SLA2: variants seen among roughly 807,000 people sequenced by gnomAD.
SLA2 encodes src-like-adapter 2.
SLA2 carries 22 observed loss-of-function variants against 27.3 expected under a neutral mutation model. The observed-to-expected ratio is 0.81, with a 90% CI of 0.58 to 1.15. The LOEUF is 1.15. Ranked by LOEUF, SLA2 falls within the 50% of genes most tolerant of loss-of-function variation. SLA2 has a pLI of 0.00. For missense variants in SLA2, 304 were observed against 322.2 expected (o/e 0.94, Z 0.43); for synonymous variants, 131 against 137.8 (o/e 0.95, Z 0.34).
chr20:36,623,531 G>T (rs2039306797), intron 5 of SLA2, among the ~76,000 whole-genome samples: 1 of 152,152 alleles, frequency 6.6e-6, no homozygotes, highest in Non-Finnish European at 1.5e-5. Flanking sequence ...AGAACTAAAA[G>T]TAAATTTAGT....
At chr20:36,618,579 G>T (rs538864955) in intron 5 of SLA2, among the ~76,000 whole-genome samples, 49 of 151,982 alleles carry the variant, frequency 3.2e-4, no homozygotes, top group African/African-American at 1.1e-3. Flanking sequence ...ATGTTGTCTG[G>T]CCACAATGGA....
intron 5 of SLA2, among the ~76,000 whole-genome samples, chr20:36,629,492 A>T (rs1272367453): frequency 7.4e-6 from 1 of 135,808 alleles, no homozygotes; most frequent in Non-Finnish European, 1.6e-5. Context: ...AAAAAAAAAT[A>T]GTCCGGTGCA....
chr20:36,636,568 G>A (rs2147993982), intron 2 of SLA2, among the ~76,000 whole-genome samples: 1 of 141,956 alleles, frequency 7.0e-6, no homozygotes, highest in South Asian at 2.2e-4. Context: ...TCACATCATT[G>A]CACTCCAGCC....
intron 5 of SLA2, among the ~76,000 whole-genome samples, chr20:36,617,376 T>C (rs1434362420): frequency 3.3e-5 from 5 of 149,950 alleles, no homozygotes; most frequent in Non-Finnish European, 7.4e-5. Flanking sequence ...ATTAAAAAAA[T>C]AAATAAACAA....
chr20:36,634,445 G>T, intron 3 of SLA2, 45 bp downstream of exon 3: 1 of 1,395,536 alleles, frequency 7.2e-7, no homozygotes, highest in Non-Finnish European at 1.0e-6. Context: ...CACCATGCCT[G>T]GCTCTATTAG....
At chr20:36,642,779 C>G (rs996145019) in intron 1 of SLA2, among the ~76,000 whole-genome samples, 1 of 152,106 alleles carries the variant, frequency 6.6e-6, no homozygotes, top group African/African-American at 2.4e-5. Flanking sequence ...GAGATGGGGT[C>G]TCCCCATATT....
chr20:36,613,863 G>A lies in SLA2; in HGVS notation c.*3C>T. ...GGTTTCCCTTTTGGCCTCTCCTTTGGGCCTAGGCATCATCCAAAGAGACAG... is the reference window on the plus strand; with the variant it reads ...GGTTTCCCTTTTGGCCTCTCCTTTGAGCCTAGGCATCATCCAAAGAGACAG... On this transcript the variant is annotated 3_prime_UTR_variant, in exon 8 of 8. Transcript: ENST00000262866. 2.5e-6 allele frequency: 4 copies of A among 1,611,406 alleles called. No homozygotes were observed. The highest frequency in any genetic ancestry group is 2.5e-6 in the Non-Finnish European group (3 of 1,178,522).
intron 2 of SLA2, 31 bp downstream of exon 2, chr20:36,641,214 G>C: frequency 6.3e-7 from 1 of 1,582,756 alleles, no homozygotes. Flanking sequence ...TGTGTGGGAA[G>C]AGCCTGGCTG....
chr20:36,639,760 C>T (rs1333494040), intron 2 of SLA2, among the ~76,000 whole-genome samples: 2 of 151,430 alleles, frequency 1.3e-5, no homozygotes, highest in African/African-American at 4.9e-5. Context: ...ACTCGGGAGG[C>T]TGAGGCAGGA....
Position 36,613,840 on chromosome 20 carries a change from T to C in SLA2, c.*26A>G. 1 of 1,392,234 alleles carries C rather than the reference T, an allele frequency of 7.2e-7. No homozygotes were observed. The highest frequency in any genetic ancestry group is 9.6e-7 in the Non-Finnish European group (1 of 1,041,986). 86.2% of individuals were successfully genotyped at this position (1,392,234 alleles called of 1,614,324 possible). On this transcript the variant is annotated 3_prime_UTR_variant, in exon 8 of 8. Coordinates refer to ENST00000262866, the MANE Select transcript of SLA2 (RefSeq NM_032214.4). ...TGGGGTTCTAGGTGTGCAGCCTTGGTTTCCCTTTTGGCCTCTCCTTTGGGC... is the reference window on the plus strand; with the variant it reads ...TGGGGTTCTAGGTGTGCAGCCTTGGCTTCCCTTTTGGCCTCTCCTTTGGGC...
chr20:36,614,380 C>T lies in SLA2; in HGVS notation c.590G>A (p.Gly197Asp), dbSNP rs1190145638. Residue 197 changes from glycine (G) to aspartate (D), a missense_variant, in exon 7 of 8, where the codon GGC becomes GAC. By Grantham distance (94) the Gly-to-Asp change is moderately conservative. Transcript: ENST00000262866. ...LKEPCVLQRA[G>D]PLPGKDIPLP... is the part of the protein sequence containing the mutation. ...GGGTATATCCTTGCCAGGGAGCGGG[C>T]CAGCCCTCTGCAGGACACAGGGCTC... 6.2e-7 allele frequency: 1 copy of T among 1,614,032 alleles called. No individual in the cohort carries two copies. The highest frequency in any genetic ancestry group is 8.5e-7 in the Non-Finnish European group (1 of 1,179,948).
intron 5 of SLA2, chr20:36,620,512 T>C: frequency 5.1e-6 from 1 of 197,896 alleles, no homozygotes; most frequent in Non-Finnish European, 1.0e-5. Flanking sequence ...TTTGCTTTTG[T>C]AACTTGATGA....
rs2039169081 is a variant in SLA2 at position 36,613,715 on chromosome 20, A to G, written c.*151T>C. The G allele has an allele frequency of 3.2e-6, 3 of 927,720 alleles. No individual in the cohort carries two copies. The East Asian group carries it at 7.7e-5, about 24-fold the overall frequency. The allele number at this position is 927,720 out of a possible 1,614,324, so 57.5% of individuals were successfully genotyped here. A position where few individuals can be genotyped will look rare whatever the true frequency, so the allele number is the denominator to read the frequency against. On this transcript the variant is annotated 3_prime_UTR_variant, in exon 8 of 8. Transcript: ENST00000262866. ...GGTGACTTCTAAGGGCTAAGAGAGG[A>G]AAGAGCAAGGGTACAGGTGGGACCC...
At chr20:36,615,109 G>A in intron 6 of SLA2, 116 bp downstream of exon 6, 2 of 1,507,580 alleles carry the variant, frequency 1.3e-6, no homozygotes, top group South Asian at 1.3e-5. Context: ...AATAGGGGAG[G>A]CCGCTCTTCT....
At chr20:36,617,991 TA>T (rs1488472149) in intron 5 of SLA2, among the ~76,000 whole-genome samples, 4 of 118,692 alleles carry the variant, frequency 3.4e-5, no homozygotes, top group Admixed American at 8.4e-5. Flanking sequence ...ACTAAAAATA[TA>T]AAAAATTAGC....
At chr20:36,631,220 A>T (rs1188116303) in intron 5 of SLA2, among the ~76,000 whole-genome samples, 2 of 152,146 alleles carry the variant, frequency 1.3e-5, no homozygotes, top group Non-Finnish European at 2.9e-5. Context: ...TGGTGCAATC[A>T]TGGCTCACTG....
chr20:36,640,939 GAGA>G (rs1489256350), intron 2 of SLA2, among the ~76,000 whole-genome samples: 1 of 152,198 alleles, frequency 6.6e-6, no homozygotes, highest in African/African-American at 2.4e-5. Flanking sequence ...ACAACTGGTT[GAGA>G]AGGAGGGAAG....
At chr20:36,644,074 C>T (rs1279523829) in intron 1 of SLA2, among the ~76,000 whole-genome samples, 1 of 152,098 alleles carries the variant, frequency 6.6e-6, no homozygotes, top group Non-Finnish European at 1.5e-5. Flanking sequence ...TGGGTCCTGA[C>T]AGCCACTTCC....
intron 5 of SLA2, among the ~76,000 whole-genome samples, chr20:36,622,269 C>T (rs904682297): frequency 8.0e-5 from 12 of 149,716 alleles, no homozygotes; most frequent in African/African-American, 2.7e-4. Context: ...CCCAGCTACT[C>T]AGGAGGCTGA....
Sources: allele counts gnomAD v4.1 joint callset (sites outside exome capture counted in the v4.1 genomes callset), GRCh38; gene constraint gnomAD v4.1.1; transcripts MANE v1.5; gene names NCBI Gene and HGNC (gene_info 2026-07-23, HGNC 2026-07-21).